PPP1R12A: variants seen among roughly 807,000 people sequenced by gnomAD.
The protein encoded by PPP1R12A is protein phosphatase 1 regulatory subunit 12A, also known as myosin binding subunit.
Under a neutral mutation model 139.6 loss-of-function variants are expected in PPP1R12A, and 19 were observed. That is an observed-to-expected ratio of 0.14 (90% CI 0.09 to 0.20). The LOEUF (loss-of-function observed/expected upper bound fraction) is 0.20. Among genes scored for constraint, PPP1R12A ranks in the 10% least tolerant of loss-of-function variants. The probability of loss-of-function intolerance (pLI) is 1.00; values close to 1 mark genes in which losing one functional copy is unlikely to be tolerated. For missense variants in PPP1R12A, 925 were observed against 1,211.5 expected, an observed-to-expected ratio of 0.76 and a Z score of 3.51; for synonymous variants, 427 against 420.6, an observed-to-expected ratio of 1.02 and a Z score of -0.19.
intron 1 of PPP1R12A, among the ~76,000 whole-genome samples, chr12:79,924,489 C>T (rs1265547051): frequency 1.3e-5 from 2 of 152,148 alleles, no homozygotes; most frequent in Non-Finnish European, 2.9e-5. Flanking sequence ...AATGCAGTGG[C>T]GTGATCACAG....
Position 79,934,866 on chromosome 12 carries a change from C to T in PPP1R12A, c.66G>A (p.Thr22=), listed in dbSNP as rs1174014314. 4 of 1,611,302 alleles carry T rather than the reference C, an allele frequency of 2.5e-6. No homozygotes were observed. Among genetic ancestry groups the T allele is most frequent in the Non-Finnish European group, 2.5e-6 (3 of 1,178,918 alleles). Residue 22 remains threonine, a synonymous_variant, in exon 1 of 25, where the codon ACG becomes ACA. Coordinates refer to ENST00000450142, the MANE Select transcript of PPP1R12A (RefSeq NM_002480.3). ...GCTTCACCACCGGAGGCTCGAGGTC[C>T]GTCTCGGAGCCGATCCAGCGTTTCA... ...EQLKRWIGSE[T]DLEPPVVKRQ...
intron 20 of PPP1R12A, chr12:79,789,776 C>A: frequency 6.5e-6 from 2 of 305,832 alleles, no homozygotes; most frequent in South Asian, 2.2e-5. Flanking sequence ...AATTAGGTGA[C>A]ACTTTTTTTT....
At chr12:79,901,412 T>C (rs150289544) in intron 1 of PPP1R12A, among the ~76,000 whole-genome samples, 1 of 152,162 alleles carries the variant, frequency 6.6e-6, no homozygotes, top group Admixed American at 6.5e-5. Context: ...ACTATAAAAA[T>C]GTACATACAA....
intron 3 of PPP1R12A, among the ~76,000 whole-genome samples, chr12:79,839,930 A>C (rs188899265): frequency 2.5e-3 from 375 of 152,314 alleles, no homozygotes; most frequent in Non-Finnish European, 4.5e-3. Flanking sequence ...TTTTATAATT[A>C]TTAAAATCTG....
chr12:79,866,792 T>C (rs1001469050), intron 2 of PPP1R12A, among the ~76,000 whole-genome samples: 12 of 152,334 alleles, frequency 7.9e-5, no homozygotes, highest in Admixed American at 2.0e-4. Context: ...CCAGTTAGAA[T>C]GGCGATCATT....
At position 79,806,121 on chromosome 12, in the gene PPP1R12A, A is replaced by G. The variant is rs1364762064; in HGVS notation, c.1823+45T>C. 8 of 1,585,436 alleles carry G rather than the reference A, an allele frequency of 5.0e-6. 1 individual carries two copies. The highest frequency in any genetic ancestry group is 2.2e-5 in the East Asian group (1 of 44,694). The stretch of plus-strand genomic sequence containing the variant: ...TCTAAACAAAAACGCATGCACATAC[A>G]TAAGCACACAGTAGACCTGAGCACA... On this transcript the variant is annotated intron_variant, in intron 13 of 24. Coordinates refer to ENST00000450142, the MANE Select transcript of PPP1R12A (RefSeq NM_002480.3).
At chr12:79,919,345 A>T (rs1047500844) in intron 1 of PPP1R12A, among the ~76,000 whole-genome samples, 29 of 152,044 alleles carry the variant, frequency 1.9e-4, no homozygotes, top group African/African-American at 6.5e-4. Context: ...TCACGAGGTC[A>T]GGAGTTCAAG....
intron 1 of PPP1R12A, among the ~76,000 whole-genome samples, chr12:79,892,803 G>A (rs539606494): frequency 1.3e-5 from 2 of 152,214 alleles, no homozygotes; most frequent in South Asian, 4.2e-4. Context: ...AATGGCAAAT[G>A]TTAATAAATG....
At chr12:79,795,577 T>C (rs1238188189) in intron 18 of PPP1R12A, 61 bp downstream of exon 18, 1 of 1,480,882 alleles carries the variant, frequency 6.8e-7, no homozygotes, top group Non-Finnish European at 9.2e-7. Context: ...TATGTATTTT[T>C]GGACACATTA....
intron 2 of PPP1R12A, chr12:79,849,019 T>C (rs1046717838): frequency 2.6e-5 from 4 of 151,960 alleles, no homozygotes; most frequent in African/African-American, 9.7e-5. Context: ...AAAACTTAAC[T>C]AAAATCTAAT....
chr12:79,846,968 T>C (rs1879489462), intron 2 of PPP1R12A, among the ~76,000 whole-genome samples: 1 of 152,124 alleles, frequency 6.6e-6, no homozygotes, highest in Admixed American at 6.5e-5. Flanking sequence ...TTCCTTTATG[T>C]TCCTAACCAA....
intron 3 of PPP1R12A, among the ~76,000 whole-genome samples, chr12:79,843,646 A>T (rs1879038918): frequency 6.7e-6 from 1 of 148,696 alleles, no homozygotes; most frequent in Non-Finnish European, 1.5e-5. Flanking sequence ...ATATAGATAT[A>T]GATATAGATA....
chr12:79,899,988 T>C (rs1006004311), intron 1 of PPP1R12A, among the ~76,000 whole-genome samples: 3 of 152,236 alleles, frequency 2.0e-5, no homozygotes, highest in Non-Finnish European at 4.4e-5. Context: ...ATTATTCATA[T>C]ATTTGTCTTG....
intron 4 of PPP1R12A, among the ~76,000 whole-genome samples, chr12:79,831,965 ACTG>A (rs1339811380): frequency 1.3e-5 from 2 of 152,172 alleles, no homozygotes; most frequent in African/African-American, 4.8e-5. Context: ...AGCTCTCAAA[ACTG>A]ATGGTATGTT....
At chr12:79,790,354 T>C (rs967766181) in intron 20 of PPP1R12A, 113 bp downstream of exon 20, 1 of 793,994 alleles carries the variant, frequency 1.3e-6, no homozygotes, top group Admixed American at 3.5e-5. Flanking sequence ...AAATTTGTTT[T>C]TTATTATCAA....
intron 21 of PPP1R12A, chr12:79,787,041 C>T (rs531861892): frequency 1.3e-5 from 2 of 152,306 alleles, no homozygotes; most frequent in South Asian, 4.1e-4. Flanking sequence ...CTTCCTTATC[C>T]CTGCTTTACT....
At chr12:79,780,131 G>A (rs1485858663) in intron 23 of PPP1R12A, 1 of 151,972 alleles carries the variant, frequency 6.6e-6, no homozygotes, top group African/African-American at 2.4e-5. Context: ...TTGAACCCAG[G>A]AACTGGAGGA....
At chr12:79,797,625 T>C (rs1000342304) in intron 15 of PPP1R12A, among the ~76,000 whole-genome samples, 3 of 152,110 alleles carry the variant, frequency 2.0e-5, no homozygotes, top group African/African-American at 7.2e-5. Flanking sequence ...CCCCACAAGT[T>C]CAAACTAGAG....
At chr12:79,820,611 C>G (rs1875982183) in intron 8 of PPP1R12A, among the ~76,000 whole-genome samples, 163 bp downstream of exon 8, 1 of 152,108 alleles carries the variant, frequency 6.6e-6, no homozygotes, top group African/African-American at 2.4e-5. Flanking sequence ...AAATTCACAA[C>G]TATATGTAAG....
Sources: gnomAD v4.1 joint callset for allele counts (sites outside exome capture counted in the v4.1 genomes callset) on GRCh38, gnomAD v4.1.1 for gene constraint, MANE v1.5 for transcripts, NCBI Gene and HGNC (gene_info 2026-07-23, HGNC 2026-07-21) for gene names.